PAMR1: variants seen among roughly 807,000 people sequenced by gnomAD.
PAMR1 encodes inactive serine protease PAMR1.
PAMR1 carries 88 observed loss-of-function variants against 81.8 expected under a neutral mutation model. The observed-to-expected ratio is 1.08, with a 90% CI of 0.91 to 1.28. The LOEUF (loss-of-function observed/expected upper bound fraction) is 1.28. Among genes scored for constraint, PAMR1 ranks in the 50% most tolerant of loss-of-function variants. The pLI is 0.00. For synonymous variants in PAMR1, 336 were observed against 345.3 expected (o/e 0.97, Z 0.30); for missense variants, 935 against 919.7 (o/e 1.02, Z -0.21).
intron 3 of PAMR1, among the ~76,000 whole-genome samples, chr11:35,475,243 G>T (rs940919123): frequency 1.3e-5 from 2 of 152,168 alleles, no homozygotes; most frequent in African/African-American, 4.8e-5. Flanking sequence ...TCTATGAGTA[G>T]TTATGTAATA....
In PAMR1 at chr11:35,432,832, T is replaced by C; in HGVS notation, c.1687A>G (p.Ile563Val). Residue 563 changes from isoleucine to valine, a missense_variant, in exon 11 of 11, where the codon ATC becomes GTC. Transcript: ENST00000619888. ...DPILLDADIA[I>V]LKLLDKARIS... ...CGGGCCTTGTCTAGGAGCTTCAGGA[T>C]GGCGATGTCAGCATCAAGCAGGATG... The C allele has an allele frequency of 6.2e-7, 1 of 1,602,884 alleles. No individual in the cohort carries two copies. The highest frequency in any genetic ancestry group is 8.5e-7 in the Non-Finnish European group (1 of 1,179,644).
chr11:35,500,291 A>T lies in PAMR1; in HGVS notation c.74-6019T>A, dbSNP rs567602627. Among the ~76,000 whole-genome samples, 40 of 152,290 alleles carry T rather than the reference A, an allele frequency of 2.6e-4. 1 individual carries two copies. The South Asian group carries it at 7.1e-3, about 27-fold the overall frequency. On this transcript the variant is annotated intron_variant, in intron 1 of 10. Transcript: ENST00000619888. ...TTAGCCCACAGCAAGTCTTTGAATC[A>T]CTCTGTTCCTCATTTTCTCCACTGA...
chr11:35,467,333 GGAAA>G (rs1856775243), intron 6 of PAMR1, among the ~76,000 whole-genome samples: 1 of 152,062 alleles, frequency 6.6e-6, no homozygotes, highest in Admixed American at 6.5e-5. Context: ...ATCTGCTTTG[GGAAA>G]ACCTACCTAG....
chr11:35,508,677 C>A (rs1851019148), intron 1 of PAMR1, among the ~76,000 whole-genome samples: 1 of 152,132 alleles, frequency 6.6e-6, no homozygotes, highest in African/African-American at 2.4e-5. Context: ...TTTTTATGCT[C>A]ATTCTCCTCC....
At chr11:35,444,639 G>A (rs1372028336) in intron 6 of PAMR1, among the ~76,000 whole-genome samples, 2 of 152,168 alleles carry the variant, frequency 1.3e-5, no homozygotes, top group East Asian at 1.9e-4. Flanking sequence ...GTTTGTCGAA[G>A]ATCAGATGGT....
intron 3 of PAMR1, among the ~76,000 whole-genome samples, chr11:35,483,380 A>T (rs1277964903): frequency 6.6e-6 from 1 of 152,194 alleles, no homozygotes; most frequent in Non-Finnish European, 1.5e-5. Context: ...CAACATCCCA[A>T]GATCTCCTGC....
chr11:35,524,384 G>T (rs1316550810), intron 1 of PAMR1, among the ~76,000 whole-genome samples: 1 of 152,188 alleles, frequency 6.6e-6, no homozygotes, highest in African/African-American at 2.4e-5. Context: ...GTGTATCTCA[G>T]CTTTTCGTTG....
intron 10 of PAMR1, among the ~76,000 whole-genome samples, chr11:35,434,046 GTATT>G (rs1855978396): frequency 1.3e-5 from 2 of 152,268 alleles, no homozygotes; most frequent in South Asian, 4.1e-4. Context: ...TATTCAAAAA[GTATT>G]TATTGATAAT....
chr11:35,509,619 A>T (rs1392068362), intron 1 of PAMR1, among the ~76,000 whole-genome samples: 8 of 152,272 alleles, frequency 5.3e-5, no homozygotes, highest in Admixed American at 5.2e-4. Flanking sequence ...ATTTTAAATT[A>T]AAATTATTTA....
At chr11:35,515,300 C>T (rs1590397404) in intron 1 of PAMR1, among the ~76,000 whole-genome samples, 2 of 152,298 alleles carry the variant, frequency 1.3e-5, no homozygotes, top group African/African-American at 2.4e-5. Context: ...TATCCAGATT[C>T]CCCTATGTGA....
At chr11:35,523,214 T>G (rs939572173) in intron 1 of PAMR1, among the ~76,000 whole-genome samples, 7 of 152,218 alleles carry the variant, frequency 4.6e-5, no homozygotes, top group Non-Finnish European at 1.0e-4. Context: ...TCCCTTGCTT[T>G]CTTTCCATGT....
At chr11:35,493,240 T>C (rs1463861715) in intron 2 of PAMR1, among the ~76,000 whole-genome samples, 1 of 152,192 alleles carries the variant, frequency 6.6e-6, no homozygotes, top group Admixed American at 6.5e-5. Flanking sequence ...TTCCCCATAC[T>C]ACAGCTAAAG....
At chr11:35,493,165 T>G (rs1850661401) in intron 2 of PAMR1, among the ~76,000 whole-genome samples, 1 of 152,172 alleles carries the variant, frequency 6.6e-6, no homozygotes, top group South Asian at 2.1e-4. Flanking sequence ...TCCATAGAGC[T>G]TCTACCTTTA....
intron 3 of PAMR1, among the ~76,000 whole-genome samples, chr11:35,477,393 T>G (rs1850302978): frequency 6.6e-6 from 1 of 152,222 alleles, no homozygotes; most frequent in African/African-American, 2.4e-5. Flanking sequence ...ACACTAAAGA[T>G]GGAGAAGTTA....
At chr11:35,464,425 G>A (rs1390805725) in intron 6 of PAMR1, among the ~76,000 whole-genome samples, 4 of 152,094 alleles carry the variant, frequency 2.6e-5, no homozygotes, top group Non-Finnish European at 5.9e-5. Context: ...TTCAACCTTG[G>A]CACTACTGAT....
At chr11:35,489,299 A>G (rs1220389839) in intron 3 of PAMR1, among the ~76,000 whole-genome samples, 2 of 152,134 alleles carry the variant, frequency 1.3e-5, no homozygotes, top group Non-Finnish European at 2.9e-5. Context: ...TACTCACTTA[A>G]CAGCATCAAC....
chr11:35,472,218 TC>T (rs1850200741), intron 4 of PAMR1, among the ~76,000 whole-genome samples: 1 of 152,224 alleles, frequency 6.6e-6, no homozygotes, highest in Admixed American at 6.5e-5. Context: ...AGGAATCAGC[TC>T]CTTCTCTTGG....
intron 3 of PAMR1, among the ~76,000 whole-genome samples, chr11:35,475,780 G>A (rs1850273948): frequency 6.6e-6 from 1 of 152,146 alleles, no homozygotes; most frequent in Admixed American, 6.5e-5. Context: ...TATTGCCTAT[G>A]GCTGTTTTTG....
intron 1 of PAMR1, among the ~76,000 whole-genome samples, chr11:35,512,255 C>T (rs533542975): frequency 6.6e-6 from 1 of 152,108 alleles, no homozygotes; most frequent in Non-Finnish European, 1.5e-5. Context: ...TTCATTCATC[C>T]TCCTCTACAC....
Sources: gnomAD v4.1 joint callset for allele counts (sites outside exome capture counted in the v4.1 genomes callset) on GRCh38, gnomAD v4.1.1 for gene constraint, MANE v1.5 for transcripts, NCBI Gene and HGNC (gene_info 2026-07-23, HGNC 2026-07-21) for gene names.